The following SMC1B variants were observed in gnomAD, a reference collection of about 807,000 sequenced individuals.
The protein encoded by SMC1B is structural maintenance of chromosomes 1B, also known as structural maintenance of chromosomes protein 1B.
SMC1B carries 60 observed loss-of-function variants against 157.9 expected under a neutral mutation model. The ratio of observed to expected loss-of-function variants is 0.38; its 90% CI spans 0.31 to 0.47. The LOEUF is 0.47. Among genes scored for constraint, SMC1B ranks in the 20% least tolerant of loss-of-function variants. SMC1B has a pLI of 0.99. For missense variants in SMC1B, 1,165 were observed against 1,426.2 expected, an observed-to-expected ratio of 0.82 and a Z score of 2.95; for synonymous variants, 445 against 483.0, an observed-to-expected ratio of 0.92 and a Z score of 1.03.
At chr22:45,406,353 A>G in intron 4 of SMC1B, 107 bp downstream of exon 4, 1 of 856,224 alleles carries the variant, frequency 1.2e-6, no homozygotes, top group South Asian at 1.8e-5. Context: ...TAATTGTCTT[A>G]TACTATTAAA....
At chr22:45,397,923 C>T (rs1329744507) in intron 6 of SMC1B, among the ~76,000 whole-genome samples, 3 of 152,170 alleles carry the variant, frequency 2.0e-5, no homozygotes, top group Non-Finnish European at 4.4e-5. Context: ...TCTTCTTAGA[C>T]ACAGGACAAG....
intron 10 of SMC1B, among the ~76,000 whole-genome samples, chr22:45,388,986 CAA>C (rs371475132): frequency 9.2e-5 from 5 of 54,464 alleles, no homozygotes; most frequent in Non-Finnish European, 1.4e-4. Context: ...GACTCTGCCT[CAA>C]AAAAAAAAAA....
chr22:45,379,064 C>T (rs889194315), intron 12 of SMC1B, among the ~76,000 whole-genome samples: 1 of 152,186 alleles, frequency 6.6e-6, no homozygotes, highest in Non-Finnish European at 1.5e-5. Context: ...CTCACTGCAA[C>T]CTCTGCCTCC....
chr22:45,410,137 T>C (rs2087314882), intron 1 of SMC1B, among the ~76,000 whole-genome samples: 1 of 152,232 alleles, frequency 6.6e-6, no homozygotes, highest in African/African-American at 2.4e-5. Flanking sequence ...GCCTCATATA[T>C]CCTTTCCCTT....
Position 45,356,732 on chromosome 22 carries a change from T to C in SMC1B, c.2962-1617A>G, listed in dbSNP as rs570067337. On this transcript the variant is annotated intron_variant, in intron 19 of 24. Transcript: ENST00000357450. ...AAATACTTAATTTTTCTTTTCTTTTTTTTTTTTTTTTTTTTGAGACAGAGT... is the reference window on the plus strand; with the variant it reads ...AAATACTTAATTTTTCTTTTCTTTTCTTTTTTTTTTTTTTTGAGACAGAGT... 2.2e-3 allele frequency among the ~76,000 whole-genome samples: 329 copies of C among 148,290 alleles called. 2 individuals are homozygous for C. The highest frequency in any genetic ancestry group is 3.5e-3 in the Middle Eastern group (1 of 286).
intron 22 of SMC1B, among the ~76,000 whole-genome samples, chr22:45,352,108 T>C (rs948906212): frequency 6.6e-6 from 1 of 151,944 alleles, no homozygotes; most frequent in African/African-American, 2.4e-5. Flanking sequence ...ACTAACTAGC[T>C]GGGCATGGTA....
At chr22:45,401,320 G>C (rs749381061) in intron 5 of SMC1B, among the ~76,000 whole-genome samples, 2 of 152,174 alleles carry the variant, frequency 1.3e-5, no homozygotes, top group Non-Finnish European at 2.9e-5. Context: ...TTCTAACAAA[G>C]AGGAGCCTGA....
chr22:45,366,178 C>T (rs371709638), intron 15 of SMC1B, among the ~76,000 whole-genome samples: 1 of 152,134 alleles, frequency 6.6e-6, no homozygotes, highest in Admixed American at 6.5e-5. Flanking sequence ...CATGTGCCAC[C>T]ACGCCCAGCT....
chr22:45,385,697 AAAATATAC>A (rs1422889436), intron 11 of SMC1B, among the ~76,000 whole-genome samples: 1 of 151,836 alleles, frequency 6.6e-6, no homozygotes, highest in Non-Finnish European at 1.5e-5. Flanking sequence ...TCAATTCTAT[AAAATATAC>A]AAATATACAA....
intron 14 of SMC1B, 130 bp downstream of exon 14, chr22:45,371,341 A>C: frequency 4.5e-6 from 6 of 1,322,720 alleles, no homozygotes; most frequent in Non-Finnish European, 5.8e-6. Flanking sequence ...CTTAGCTTAC[A>C]ACATTGTTGT....
chr22:45,353,144 G>A (rs552888649), intron 21 of SMC1B, among the ~76,000 whole-genome samples: 1 of 151,886 alleles, frequency 6.6e-6, no homozygotes, highest in Non-Finnish European at 1.5e-5. Flanking sequence ...GTTGGTATGC[G>A]CCTGTAATCC....
intron 13 of SMC1B, 91 bp downstream of exon 13, chr22:45,372,064 C>A (rs977262572): frequency 1.8e-6 from 2 of 1,135,580 alleles, no homozygotes; most frequent in Non-Finnish European, 2.4e-6. Flanking sequence ...AAAAAAGTAT[C>A]TGAAAATTAC....
At chr22:45,366,912 C>G (rs1202383903) in intron 15 of SMC1B, among the ~76,000 whole-genome samples, 1 of 152,090 alleles carries the variant, frequency 6.6e-6, no homozygotes, top group Admixed American at 6.6e-5. Context: ...CTGCTTGATC[C>G]ATTCTGCTGT....
chr22:45,390,819 T>C (rs193255426), intron 9 of SMC1B, among the ~76,000 whole-genome samples: 21 of 152,328 alleles, frequency 1.4e-4, no homozygotes, highest in African/African-American at 4.3e-4. Flanking sequence ...TAGAAAATGT[T>C]TGAATGTCAA....
Position 45,364,775 on chromosome 22 carries a change from G to T in SMC1B, c.2421-1749C>A, listed in dbSNP as rs1329266737. On this transcript the variant is annotated intron_variant, in intron 15 of 24. Transcript: ENST00000357450. ...CCCCCAACTAGCTGCTCTTTTAATG[G>T]TTCTTTCTCATCTCTTCGACTTGCT... is the stretch of plus-strand genomic sequence containing the variant. Among the ~76,000 whole-genome samples the T allele has an allele frequency of 2.7e-5, 4 of 150,088 alleles. No individual in the cohort carries two copies. The East Asian group carries it at 7.8e-4, about 29-fold the overall frequency.
At chr22:45,352,967 G>A (rs2086629466) in intron 21 of SMC1B, among the ~76,000 whole-genome samples, 1 of 152,182 alleles carries the variant, frequency 6.6e-6, no homozygotes, top group Admixed American at 6.5e-5. Context: ...TAGATAAACA[G>A]AGATGAATCT....
chr22:45,394,639 A>G, intron 8 of SMC1B, 46 bp downstream of exon 8: 2 of 1,468,690 alleles, frequency 1.4e-6, no homozygotes, highest in Non-Finnish European at 1.8e-6. Flanking sequence ...CCTCTCTCAA[A>G]AAATAAAAGA....
chr22:45,384,653 G>A (rs2086971872), intron 11 of SMC1B, among the ~76,000 whole-genome samples: 1 of 151,674 alleles, frequency 6.6e-6, no homozygotes, highest in South Asian at 2.1e-4. Flanking sequence ...CTGGGAGGCA[G>A]AGGTTGCAGT....
chr22:45,411,051 T>C (rs541490797), intron 1 of SMC1B, among the ~76,000 whole-genome samples: 57 of 152,352 alleles, frequency 3.7e-4, no homozygotes, highest in African/African-American at 1.3e-3. Flanking sequence ...TCAATCCTTA[T>C]TTAAATCTGC....
Sources: allele counts gnomAD v4.1 joint callset (sites outside exome capture counted in the v4.1 genomes callset), GRCh38; gene constraint gnomAD v4.1.1; transcripts MANE v1.5; gene names NCBI Gene and HGNC (gene_info 2026-07-23, HGNC 2026-07-21).